Variants in MAP4K3 observed in about 807,000 individuals in gnomAD.
MAP4K3 encodes the protein mitogen-activated protein kinase kinase kinase kinase 3, also known as MAPK/ERK kinase kinase kinase 3.
A neutral mutation model predicts 143.5 loss-of-function variants in MAP4K3; 94 were observed. That is an observed-to-expected ratio of 0.65 (90% CI 0.55 to 0.78). MAP4K3 has a LOEUF of 0.78. Ranked by LOEUF, MAP4K3 falls within the 30% of genes least tolerant of loss-of-function variation. The probability of loss-of-function intolerance (pLI) is 0.00; values close to 1 mark genes in which losing one functional copy is unlikely to be tolerated. For synonymous variants in MAP4K3, 416 were observed against 347.2 expected (o/e 1.20, Z -2.20); for missense variants, 1,077 against 1,068.1 (o/e 1.01, Z -0.12).
intron 31 of MAP4K3, among the ~76,000 whole-genome samples, chr2:39,256,257 T>C (rs1370696736): frequency 6.6e-6 from 1 of 152,232 alleles, no homozygotes; most frequent in Non-Finnish European, 1.5e-5. Context: ...AAATGATCTT[T>C]TTATCTTTCT....
chr2:39,276,841 G>A (rs10190078), intron 24 of MAP4K3, among the ~76,000 whole-genome samples: 16,147 of 152,208 alleles, frequency 0.11, 1,175 homozygotes, highest in South Asian at 0.17. Flanking sequence ...CATACTGGGG[G>A]AGAGGAGGAG....
chr2:39,352,227 G>A (rs1421644963), intron 3 of MAP4K3, among the ~76,000 whole-genome samples: 3 of 152,174 alleles, frequency 2.0e-5, no homozygotes, highest in Admixed American at 1.3e-4. Context: ...GGAGGTGGAG[G>A]TTGCAGTGAG....
At position 39,278,402 on chromosome 2, in the gene MAP4K3, C is replaced by G. The variant is rs1000201656; in HGVS notation, c.1794+5G>C. The stretch of plus-strand genomic sequence containing the variant: ...AAAAAAAAAAGAATATACAAAATAA[C>G]ATACCTGTTCCATTGATGTTTCATG... On this transcript the variant is annotated splice_donor_5th_base_variant and intron_variant, in intron 24 of 33. Coordinates refer to ENST00000263881, the MANE Select transcript of MAP4K3 (RefSeq NM_003618.4). 7 of 1,520,492 alleles carry G rather than the reference C, an allele frequency of 4.6e-6. No homozygotes were observed. Among genetic ancestry groups the G allele is most frequent in the Non-Finnish European group, 6.3e-6 (7 of 1,118,326 alleles). The allele number at this position is 1,520,492 out of a possible 1,614,324, so 94.2% of individuals were successfully genotyped here. A position where few individuals can be genotyped will look rare whatever the true frequency, so the allele number is the denominator to read the frequency against.
intron 2 of MAP4K3, among the ~76,000 whole-genome samples, chr2:39,372,995 A>C (rs1223798280): frequency 1.3e-5 from 2 of 152,230 alleles, no homozygotes; most frequent in African/African-American, 4.8e-5. Flanking sequence ...AACAAAGAGA[A>C]GAGACAACCC....
chr2:39,273,319 G>T (rs1361317930), intron 24 of MAP4K3, among the ~76,000 whole-genome samples: 1 of 152,196 alleles, frequency 6.6e-6, no homozygotes, highest in Non-Finnish European at 1.5e-5. Flanking sequence ...CCTCACCCCA[G>T]ATCTACTGAA....
intron 2 of MAP4K3, among the ~76,000 whole-genome samples, chr2:39,376,991 A>C (rs1273871813): frequency 6.6e-6 from 1 of 152,172 alleles, no homozygotes; most frequent in East Asian, 1.9e-4. Context: ...ATCTGTAAAT[A>C]TGTATAACTG....
chr2:39,307,149 A>G (rs2148496368), intron 15 of MAP4K3, among the ~76,000 whole-genome samples: 1 of 152,350 alleles, frequency 6.6e-6, no homozygotes, highest in African/African-American at 2.4e-5. Flanking sequence ...AGAGGAAGGA[A>G]AGATAAGGAA....
intron 19 of MAP4K3, among the ~76,000 whole-genome samples, 169 bp downstream of exon 19, chr2:39,290,123 G>A (rs1046056130): frequency 6.8e-6 from 1 of 146,584 alleles, no homozygotes; most frequent in Admixed American, 6.8e-5. Flanking sequence ...CTAAATATAA[G>A]TTGGGCATTA....
rs1339334235 is a variant in MAP4K3 at position 39,404,514 on chromosome 2, G to A, written c.97-26391C>T. Among the ~76,000 whole-genome samples the A allele has an allele frequency of 2.0e-5, 3 of 151,914 alleles. No individual in the cohort carries two copies. In the East Asian group the frequency reaches 5.8e-4, roughly 29 times the overall value. On this transcript the variant is annotated intron_variant, in intron 1 of 33. Transcript: ENST00000263881. ...CTCTGCCTGTGGAAAGGGGAGGAAG[G>A]ACTGGGAAAGACCACGCTTCATGGT... is the stretch of plus-strand genomic sequence containing the variant.
chr2:39,314,931 A>G (rs921886865), intron 13 of MAP4K3, among the ~76,000 whole-genome samples: 3 of 152,222 alleles, frequency 2.0e-5, no homozygotes, highest in Non-Finnish European at 4.4e-5. Context: ...TCATGAGTGC[A>G]TGAATGACGT....
Position 39,437,022 on chromosome 2 carries a change from G to GC in MAP4K3, c.-36dup. On this transcript the variant is annotated 5_prime_UTR_variant, in exon 1 of 34. Transcript: ENST00000263881. ...CAGGTGCCCCCCGCCTCCCTCCCGGGCAGGGGAGGGGGGCCGCTCAGGGGG... is the reference window on the plus strand; with the variant it reads ...CAGGTGCCCCCCGCCTCCCTCCCGGGCCAGGGGAGGGGGGCCGCTCAGGGGG... The GC allele has an allele frequency of 1.3e-6, 2 of 1,567,946 alleles. No individual in the cohort carries two copies. The highest frequency in any genetic ancestry group is 1.7e-6 in the Non-Finnish European group (2 of 1,145,514).
chr2:39,339,855 C>T (rs1665091380), intron 4 of MAP4K3, among the ~76,000 whole-genome samples: 1 of 152,092 alleles, frequency 6.6e-6, no homozygotes, highest in African/African-American at 2.4e-5. Flanking sequence ...AAGGACACAT[C>T]TTCAAATGCC....
rs149114037 is a variant in MAP4K3, at chr2:39,268,366, G to A, written c.1974-1119C>T. On this transcript the variant is annotated intron_variant, in intron 26 of 33. Transcript: ENST00000263881. ...GACAAGGTCTCGCTCTGTCGCCCAG[G>A]CTGGAGTGCAAGGGTGTGATCTTGG... is the stretch of plus-strand genomic sequence containing the variant. Among the ~76,000 whole-genome samples, 1,257 of 152,126 alleles carry A rather than the reference G, an allele frequency of 8.3e-3. 7 individuals carry two copies. Among genetic ancestry groups the A allele is most frequent in the Non-Finnish European group, 0.014 (973 of 67,992 alleles).
At chr2:39,268,913 T>A (rs560930926) in intron 26 of MAP4K3, among the ~76,000 whole-genome samples, 1 of 152,110 alleles carries the variant, frequency 6.6e-6, no homozygotes, top group East Asian at 1.9e-4. Flanking sequence ...ACATCTAAAC[T>A]CTTTTTTTTA....
intron 7 of MAP4K3, among the ~76,000 whole-genome samples, 192 bp downstream of exon 7, chr2:39,333,340 G>A (rs1293698688): frequency 6.6e-6 from 1 of 152,090 alleles, no homozygotes; most frequent in Admixed American, 6.6e-5. Context: ...TATGTCTTAT[G>A]TGAAGGACAG....
intron 1 of MAP4K3, among the ~76,000 whole-genome samples, chr2:39,416,824 C>T (rs1667395385): frequency 1.3e-5 from 2 of 152,080 alleles, no homozygotes; most frequent in South Asian, 4.1e-4. Context: ...GCAGTATAGC[C>T]GAATGTATGG....
chr2:39,411,298 C>T (rs1305803862), intron 1 of MAP4K3, among the ~76,000 whole-genome samples: 1 of 152,150 alleles, frequency 6.6e-6, no homozygotes, highest in Non-Finnish European at 1.5e-5. Flanking sequence ...CAGATGTTTT[C>T]CCTACATTTT....
chr2:39,396,333 C>T (rs1176466148), intron 1 of MAP4K3, among the ~76,000 whole-genome samples: 1 of 152,132 alleles, frequency 6.6e-6, no homozygotes, highest in East Asian at 1.9e-4. Context: ...GCCACTGCAC[C>T]CGGCCTACAA....
At chr2:39,282,839 A>G (rs1681595953) in intron 21 of MAP4K3, among the ~76,000 whole-genome samples, 1 of 152,210 alleles carries the variant, frequency 6.6e-6, no homozygotes, top group Non-Finnish European at 1.5e-5. Flanking sequence ...TATATATGTA[A>G]ATACATGTTC....
Sources: allele counts gnomAD v4.1 joint callset (sites outside exome capture counted in the v4.1 genomes callset), GRCh38; gene constraint gnomAD v4.1.1; transcripts MANE v1.5; gene names NCBI Gene and HGNC (gene_info 2026-07-23, HGNC 2026-07-21).